Variants in HGD observed in about 807,000 individuals in gnomAD.
HGD encodes the protein homogentisate 1,2-dioxygenase.
Under a neutral mutation model 60.8 loss-of-function variants are expected in HGD, and 61 were observed. The ratio of observed to expected loss-of-function variants is 1.00; its 90% CI spans 0.82 to 1.24. The LOEUF (loss-of-function observed/expected upper bound fraction) is 1.24. Ranked by LOEUF, HGD falls within the 50% of genes most tolerant of loss-of-function variation. HGD has a pLI of 0.00. For missense variants in HGD, 542 were observed against 547.1 expected (o/e 0.99, Z 0.09); for synonymous variants, 212 against 187.7 (o/e 1.13, Z -1.06).
At chr3:120,638,126 T>C (rs1390695953) in intron 12 of HGD, among the ~76,000 whole-genome samples, 2 of 152,200 alleles carry the variant, frequency 1.3e-5, no homozygotes, top group African/African-American at 4.8e-5. Context: ...GCCACCATGA[T>C]TGTATTTCCT....
chr3:120,639,027 C>T (rs957488040), intron 11 of HGD, among the ~76,000 whole-genome samples: 3 of 152,168 alleles, frequency 2.0e-5, no homozygotes, highest in Non-Finnish European at 2.9e-5. Context: ...GCTCCTCCTT[C>T]GCCTTCCACC....
rs374495094 is a variant in HGD at position 120,674,939 on chromosome 3, T to A, written c.138A>T (p.Gly46=). Residue 46 remains glycine, a synonymous_variant, in exon 3 of 14, where the codon GGA becomes GGT. Transcript: ENST00000283871. ...PYNLYAEQLS[G]SAFTCPRSTN... is the part of the protein sequence containing the mutation. ...TGCTCCGTGGACAAGTGAAAGCCGATCCTGAGAGCTGCTCAGCATAGAGAT... is the reference window on the plus strand; with the variant it reads ...TGCTCCGTGGACAAGTGAAAGCCGAACCTGAGAGCTGCTCAGCATAGAGAT... 1.9e-6 allele frequency: 3 copies of A among 1,612,138 alleles called. No homozygotes were observed. Among genetic ancestry groups the A allele is most frequent in the Admixed American group, 1.7e-5 (1 of 59,952 alleles).
intron 9 of HGD, 39 bp downstream of exon 9, chr3:120,646,228 A>T: frequency 8.2e-7 from 1 of 1,213,022 alleles, no homozygotes; most frequent in Non-Finnish European, 1.2e-6. Context: ...TGAGTCCTAC[A>T]TCTCAAGCGA....
chr3:120,644,214 A>G, intron 10 of HGD, 105 bp downstream of exon 10: 1 of 1,350,974 alleles, frequency 7.4e-7, no homozygotes, highest in Admixed American at 1.7e-5. Context: ...GTGGTATGAT[A>G]ACAACGAAAG....
intron 4 of HGD, among the ~76,000 whole-genome samples, chr3:120,655,708 T>G (rs970781639): frequency 2.6e-5 from 4 of 152,214 alleles, no homozygotes; most frequent in African/African-American, 9.6e-5. Flanking sequence ...CTTTATTGTA[T>G]GCTGTGGAGC....
intron 1 of HGD, 24 bp from the exon 2 acceptor site, chr3:120,675,887 G>A: frequency 6.4e-7 from 1 of 1,568,070 alleles, no homozygotes; most frequent in Non-Finnish European, 8.8e-7. Flanking sequence ...AGACACAAAT[G>A]CCACCATTAG....
At chr3:120,653,833 C>T (rs1941414414) in intron 4 of HGD, among the ~76,000 whole-genome samples, 1 of 152,176 alleles carries the variant, frequency 6.6e-6, no homozygotes, top group Admixed American at 6.5e-5. Flanking sequence ...TGACAGTTTA[C>T]ACGAAATAAT....
At chr3:120,640,981 G>A (rs1940951091) in intron 11 of HGD, among the ~76,000 whole-genome samples, 1 of 152,188 alleles carries the variant, frequency 6.6e-6, no homozygotes, top group South Asian at 2.1e-4. Flanking sequence ...TATTAAGAAT[G>A]TAGGGTCTTG....
At chr3:120,635,945 C>A (rs989753474) in intron 12 of HGD, among the ~76,000 whole-genome samples, 1 of 152,022 alleles carries the variant, frequency 6.6e-6, no homozygotes, top group Non-Finnish European at 1.5e-5. Flanking sequence ...TGTAAACCTC[C>A]TTCATCAGAA....
rs563197001 is a variant in HGD at position 120,652,071 on chromosome 3, G to A, written c.342+521C>T. Among the ~76,000 whole-genome samples, 3 of 152,228 alleles carry A rather than the reference G, an allele frequency of 2.0e-5. No homozygotes were observed. The East Asian group carries it at 5.8e-4, about 29-fold the overall frequency. Reference sequence around the variant, plus strand: ...TTATAGTTGTTATAGATACCTCAAAGTATATTTATGCTCATACCAGAATTA... The same window carrying A: ...TTATAGTTGTTATAGATACCTCAAAATATATTTATGCTCATACCAGAATTA... On this transcript the variant is annotated intron_variant, in intron 5 of 13. Coordinates refer to ENST00000283871, the MANE Select transcript of HGD (RefSeq NM_000187.4).
intron 4 of HGD, among the ~76,000 whole-genome samples, chr3:120,660,101 A>C (rs1178606301): frequency 6.6e-6 from 1 of 152,078 alleles, no homozygotes; most frequent in African/African-American, 2.4e-5. Context: ...GCCATCTGAG[A>C]TACCTTGCTC....
At chr3:120,671,802 C>T (rs1443714785) in intron 3 of HGD, among the ~76,000 whole-genome samples, 1 of 152,166 alleles carries the variant, frequency 6.6e-6, no homozygotes, top group Admixed American at 6.5e-5. Context: ...GAATACTATG[C>T]AGCCATAAAA....
At chr3:120,642,255 C>T (rs150801838) in intron 10 of HGD, among the ~76,000 whole-genome samples, 4 of 152,256 alleles carry the variant, frequency 2.6e-5, no homozygotes, top group African/African-American at 7.2e-5. Flanking sequence ...CAGTGTCCTG[C>T]TATAGGAAGG....
intron 4 of HGD, among the ~76,000 whole-genome samples, chr3:120,662,402 C>T (rs548268965): frequency 1.6e-4 from 24 of 152,200 alleles, no homozygotes; most frequent in African/African-American, 5.3e-4. Context: ...CAGAGAGATC[C>T]TGAAAGCACA....
intron 2 of HGD, 75 bp downstream of exon 2, chr3:120,675,717 G>T: frequency 8.8e-7 from 1 of 1,135,236 alleles, no homozygotes; most frequent in South Asian, 1.2e-5. Flanking sequence ...ACGGTGGGTG[G>T]AGGCACTTTG....
chr3:120,670,691 C>T (rs551410105), intron 3 of HGD, among the ~76,000 whole-genome samples, 159 bp from the exon 4 acceptor site: 45 of 152,156 alleles, frequency 3.0e-4, no homozygotes, highest in Admixed American at 5.9e-4. Context: ...CATCACTTTT[C>T]ATGGCCATCT....
intron 4 of HGD, among the ~76,000 whole-genome samples, chr3:120,654,120 T>C (rs961017026): frequency 9.9e-5 from 15 of 152,134 alleles, no homozygotes; most frequent in Non-Finnish European, 1.6e-4. Context: ...CTTCCTTCTA[T>C]AGTAACAGAG....
At chr3:120,649,944 T>G (rs913895299) in intron 6 of HGD, among the ~76,000 whole-genome samples, 9 of 151,972 alleles carry the variant, frequency 5.9e-5, no homozygotes, top group Admixed American at 3.3e-4. Context: ...AACCCCTAGG[T>G]CACAGCTCAG....
At chr3:120,670,946 C>T (rs1229120576) in intron 3 of HGD, among the ~76,000 whole-genome samples, 1 of 152,194 alleles carries the variant, frequency 6.6e-6, no homozygotes, top group Non-Finnish European at 1.5e-5. Flanking sequence ...GAGTTCTACG[C>T]AGCTTGAGAG....
Sources: gnomAD v4.1 joint callset for allele counts (sites outside exome capture counted in the v4.1 genomes callset) on GRCh38, gnomAD v4.1.1 for gene constraint, MANE v1.5 for transcripts, NCBI Gene and HGNC (gene_info 2026-07-23, HGNC 2026-07-21) for gene names.